The following NRG4 variants were observed in gnomAD, a reference collection of about 807,000 sequenced individuals.
NRG4 encodes the protein pro-neuregulin-4, membrane-bound isoform.
In NRG4, 10 loss-of-function variants were observed where a neutral mutation model predicts 15.0. The ratio of observed to expected loss-of-function variants is 0.67; its 90% CI spans 0.41 to 1.13. NRG4 has a LOEUF of 1.13. Ranked by LOEUF, NRG4 falls within the 50% of genes most tolerant of loss-of-function variation. NRG4 has a pLI of 0.00. For synonymous variants in NRG4, 41 were observed against 50.1 expected (o/e 0.82, Z 0.77); for missense variants, 139 against 140.2 (o/e 0.99, Z 0.04).
At chr15:76,000,227 T>TA (rs2034362469) in intron 3 of NRG4, among the ~76,000 whole-genome samples, 1 of 151,832 alleles carries the variant, frequency 6.6e-6, no homozygotes, top group Non-Finnish European at 1.5e-5. Flanking sequence ...GAAGGGCTTT[T>TA]AAAAAAAATT....
At chr15:75,988,324 T>G (rs2033875848) in intron 3 of NRG4, among the ~76,000 whole-genome samples, 2 of 152,224 alleles carry the variant, frequency 1.3e-5, no homozygotes, top group African/African-American at 4.8e-5. Flanking sequence ...TAGCTGGGAC[T>G]ACAGGCATGC....
chr15:76,057,703 T>TA (rs2036185453), intron 1 of NRG4, among the ~76,000 whole-genome samples: 1 of 152,128 alleles, frequency 6.6e-6, no homozygotes, highest in South Asian at 2.1e-4. Context: ...TGGTTGCACC[T>TA]ACAATTTCCA....
intron 3 of NRG4, among the ~76,000 whole-genome samples, chr15:75,968,893 G>C (rs2032961278): frequency 6.6e-6 from 1 of 152,036 alleles, no homozygotes; most frequent in Admixed American, 6.6e-5. Context: ...ATTGCTATGT[G>C]TCCATTTTTC....
At chr15:76,045,824 T>C (rs1038447124) in intron 4 of NRG4, among the ~76,000 whole-genome samples, 1 of 150,916 alleles carries the variant, frequency 6.6e-6, no homozygotes, top group Non-Finnish European at 1.5e-5. Context: ...GGATAGTTAA[T>C]GGATCCAAAT....
In NRG4 at chr15:76,051,164, C is replaced by G. The variant is rs536442709; in HGVS notation, c.-105+903G>C. ...GGGACTACAGGCGCCCGCCACTACGCCCGGCTAATTTTTTGTATTTTTAGT... is the reference window on the plus strand; with the variant it reads ...GGGACTACAGGCGCCCGCCACTACGGCCGGCTAATTTTTTGTATTTTTAGT... On this transcript the variant is annotated intron_variant, in intron 4 of 8. Coordinates refer to the NRG4 transcript ENST00000563910. 4.0e-3 allele frequency among the ~76,000 whole-genome samples: 597 copies of G among 148,640 alleles called. 19 individuals are homozygous for G. The highest frequency in any genetic ancestry group is 6.0e-3 in the Admixed American group (91 of 15,104).
intron 5 of NRG4, among the ~76,000 whole-genome samples, chr15:75,949,238 G>T: frequency 6.6e-6 from 1 of 152,014 alleles, no homozygotes; most frequent in East Asian, 1.9e-4. Flanking sequence ...ACCAAACCCC[G>T]TCTCTACCGA....
At chr15:75,990,048 C>T (rs1471412806) in intron 3 of NRG4, among the ~76,000 whole-genome samples, 1 of 152,118 alleles carries the variant, frequency 6.6e-6, no homozygotes, top group Non-Finnish European at 1.5e-5. Context: ...TAGGTCTTCA[C>T]CAAGGACACT....
chr15:76,051,414 T>C (rs986145626), intron 4 of NRG4, among the ~76,000 whole-genome samples: 7 of 150,788 alleles, frequency 4.6e-5, no homozygotes, highest in Admixed American at 1.3e-4. Context: ...GTGCTGTGAT[T>C]ATAGGCGTGA....
chr15:76,014,241 T>C (rs2034905767), upstream of NRG4, among the ~76,000 whole-genome samples: 1 of 152,222 alleles, frequency 6.6e-6, no homozygotes, highest in African/African-American at 2.4e-5. Flanking sequence ...TTCTGGATAT[T>C]AGCCCTTTCT....
At chr15:75,962,632 A>T (rs991050835) in intron 3 of NRG4, among the ~76,000 whole-genome samples, 1 of 152,160 alleles carries the variant, frequency 6.6e-6, no homozygotes, top group African/African-American at 2.4e-5. Flanking sequence ...TTTTATAGCC[A>T]ATTACCTGTA....
Position 75,986,778 on chromosome 15 carries a change from G to T in NRG4, c.104+22422C>A, listed in dbSNP as rs2141861944. Among the ~76,000 whole-genome samples, 3 of 152,148 alleles carry T rather than the reference G, an allele frequency of 2.0e-5. No individual in the cohort carries two copies. The East Asian group carries it at 5.8e-4, about 29-fold the overall frequency. ...TATTTTATTTCTTTGCCAGACAATG[G>T]TAACTATCTTGGAGGCAAAAATCAG... On this transcript the variant is annotated intron_variant, in intron 3 of 5. Transcript: ENST00000394907.
At chr15:75,955,834 C>CT (rs1289349092) in intron 5 of NRG4, 98 bp downstream of exon 5, 95 of 622,490 alleles carry the variant, frequency 1.5e-4, no homozygotes, top group East Asian at 2.3e-4. Context: ...TAGGCTCAAC[C>CT]TTTTTTTTCT....
chr15:76,030,798 G>T (rs898601830), intron 5 of NRG4, among the ~76,000 whole-genome samples: 1 of 152,132 alleles, frequency 6.6e-6, no homozygotes, highest in African/African-American at 2.4e-5. Flanking sequence ...CTTCACTGGT[G>T]AATTCCACCA....
intron 5 of NRG4, among the ~76,000 whole-genome samples, chr15:76,020,031 T>C (rs974666467): frequency 1.2e-4 from 18 of 152,226 alleles, no homozygotes; most frequent in Non-Finnish European, 4.4e-5. Context: ...TCGAACTTTT[T>C]CATTATTATT....
chr15:75,995,968 G>A (rs1030663279), intron 3 of NRG4, among the ~76,000 whole-genome samples: 1 of 152,108 alleles, frequency 6.6e-6, no homozygotes, highest in Non-Finnish European at 1.5e-5. Context: ...ACTAATTACA[G>A]GTAGACTTTC....
At chr15:76,057,007 C>T (rs1235427631) in exon 2 of NRG4, 1 of 152,178 alleles carries the variant, frequency 6.6e-6, no homozygotes, top group African/African-American at 2.4e-5. Context: ...ACGTTAGAAA[C>T]GAACAGTTAT....
At chr15:75,967,206 G>A (rs563545881) in intron 3 of NRG4, among the ~76,000 whole-genome samples, 5 of 150,720 alleles carry the variant, frequency 3.3e-5, no homozygotes, top group South Asian at 4.2e-4. Flanking sequence ...TTTATAGGCC[G>A]AGAAACAGTG....
At chr15:75,963,000 C>T (rs941371116) in intron 3 of NRG4, among the ~76,000 whole-genome samples, 1 of 152,122 alleles carries the variant, frequency 6.6e-6, no homozygotes, top group African/African-American at 2.4e-5. Flanking sequence ...GTTTCTTCCA[C>T]CTTAGACTAA....
chr15:75,937,536 A>G (rs1015492017), downstream of NRG4: 5 of 150,604 alleles, frequency 3.3e-5, no homozygotes, highest in Non-Finnish European at 5.9e-5. Context: ...AAAAAAAGCA[A>G]CTGTCTGAAC....
Sources: allele counts gnomAD v4.1 joint callset (sites outside exome capture counted in the v4.1 genomes callset), GRCh38; gene constraint gnomAD v4.1.1; transcripts MANE v1.5; gene names NCBI Gene and HGNC (gene_info 2026-07-23, HGNC 2026-07-21).